The following PTPRU variants were observed in gnomAD, a reference collection of about 807,000 sequenced individuals.
PTPRU encodes protein tyrosine phosphatase receptor type U, also known as receptor-type tyrosine-protein phosphatase U.
PTPRU carries 69 observed loss-of-function variants against 166.3 expected under a neutral mutation model. The ratio of observed to expected loss-of-function variants is 0.41; its 90% CI spans 0.34 to 0.51. The LOEUF (loss-of-function observed/expected upper bound fraction) is 0.51. Ranked by LOEUF, PTPRU falls within the 20% of genes least tolerant of loss-of-function variation. The probability of loss-of-function intolerance (pLI) is 0.09; values close to 1 mark genes in which losing one functional copy is unlikely to be tolerated. For synonymous variants in PTPRU, 793 were observed against 814.0 expected, an observed-to-expected ratio of 0.97 and a Z score of 0.44; for missense variants, 1,657 against 2,013.7, an observed-to-expected ratio of 0.82 and a Z score of 3.39.
At chr1:29,268,679 A>G (rs1051760936) in intron 7 of PTPRU, among the ~76,000 whole-genome samples, 5 of 152,248 alleles carry the variant, frequency 3.3e-5, no homozygotes, top group Admixed American at 2.6e-4. Context: ...AGCGCTTAAC[A>G]CACAGTAAGC....
At chr1:29,286,082 A>C (rs935392049) in intron 14 of PTPRU, among the ~76,000 whole-genome samples, 2 of 152,096 alleles carry the variant, frequency 1.3e-5, no homozygotes, top group African/African-American at 4.8e-5. Context: ...CAGGAAGATG[A>C]GAGAGAGAGC....
At position 29,257,691 on chromosome 1, in the gene PTPRU, T is replaced by G. The variant is rs1684833179; in HGVS notation, c.206-814T>G. On this transcript the variant is annotated intron_variant, in intron 2 of 29. Coordinates refer to ENST00000373779, the MANE Select transcript of PTPRU (RefSeq NM_133178.4). The surrounding 1 kb of genome is among the most constrained non-coding windows in gnomAD (Gnocchi z 4.6). ...GAATCCTTTCATTCAATCTCTGTTC[T>G]ACATATTCATTCAGCTTGCGTCCTG... Among the ~76,000 whole-genome samples, 1 of 152,206 alleles carries G rather than the reference T, an allele frequency of 6.6e-6. No homozygotes were observed. Among genetic ancestry groups the G allele is most frequent in the East Asian group, 1.9e-4 (1 of 5,186 alleles).
chr1:29,255,128 G>A, intron 1 of PTPRU, 147 bp from the exon 2 acceptor site: 1 of 951,206 alleles, frequency 1.1e-6, no homozygotes, highest in African/African-American at 1.7e-5. Context: ...AATTTCACTA[G>A]AGGGAGGGAG....
In PTPRU at chr1:29,271,051, A is replaced by T. The variant is rs912200873; in HGVS notation, c.1145-4397A>T. 6.6e-6 allele frequency among the ~76,000 whole-genome samples: 1 copy of T among 152,266 alleles called. No individual in the cohort carries two copies. The highest frequency in any genetic ancestry group is 1.5e-5 in the Non-Finnish European group (1 of 68,042). Reference sequence around the variant, plus strand: ...CAGATCCCAGTCCAAAGCTCCTCCCATGAGAAAAAGTTGAACATTTCAGGG... The same window carrying T: ...CAGATCCCAGTCCAAAGCTCCTCCCTTGAGAAAAAGTTGAACATTTCAGGG... On this transcript the variant is annotated intron_variant, in intron 7 of 29. Transcript: ENST00000373779. This position sits in a 1 kb window ranked among gnomAD's most constrained non-coding sequence, Gnocchi z 4.4.
chr1:29,316,215 T>C, intron 24 of PTPRU, 64 bp downstream of exon 24: 2 of 1,538,580 alleles, frequency 1.3e-6, no homozygotes, highest in African/African-American at 1.4e-5. Flanking sequence ...TGGGGCATCC[T>C]TAATACTGCA....
intron 1 of PTPRU, among the ~76,000 whole-genome samples, chr1:29,247,275 C>G (rs142836425): frequency 6.6e-6 from 1 of 152,376 alleles, no homozygotes; most frequent in East Asian, 1.9e-4. Context: ...GTGCCTTGTG[C>G]AGCTCTGGGT....
intron 15 of PTPRU, 61 bp downstream of exon 15, chr1:29,292,087 AG>A (rs1052960931): frequency 4.0e-5 from 63 of 1,589,602 alleles, no homozygotes; most frequent in Non-Finnish European, 5.4e-5. Context: ...CTGAGACAAT[AG>A]GGTCCCCACA....
intron 15 of PTPRU, among the ~76,000 whole-genome samples, chr1:29,293,770 G>C (rs181565001): frequency 5.3e-4 from 81 of 152,248 alleles, no homozygotes; most frequent in African/African-American, 1.9e-3. Flanking sequence ...CACTGCGCCC[G>C]GACTTTTGGG....
At chr1:29,314,996 G>C (rs1687832904) in intron 22 of PTPRU, among the ~76,000 whole-genome samples, 1 of 152,216 alleles carries the variant, frequency 6.6e-6, no homozygotes, top group South Asian at 2.1e-4. Flanking sequence ...GAGTGTGTGG[G>C]CTTTTCAAGG....
At position 29,252,274 on chromosome 1, in the gene PTPRU, T is replaced by TC. The variant is rs202111946; in HGVS notation, c.74-3001_74-3000insC. 5.6e-3 allele frequency among the ~76,000 whole-genome samples: 838 copies of TC among 148,886 alleles called. 6 individuals carry two copies. Among genetic ancestry groups the TC allele is most frequent in the African/African-American group, 0.019 (792 of 40,656 alleles). On this transcript the variant is annotated intron_variant, in intron 1 of 29. Transcript: ENST00000373779. ...GGTGTGTTTTTCTTTTTTCTTTCTT[T>TC]TTTTTTTTTTTGAGACAGAGTCACA...
chr1:29,315,551 C>G lies in PTPRU; in HGVS notation c.3363+44C>G, dbSNP rs755423349. On this transcript the variant is annotated intron_variant, in intron 23 of 29. Transcript: ENST00000373779. The surrounding 1 kb of genome is among the most constrained non-coding windows in gnomAD (Gnocchi z 4.5). ...GTCCCCACCATTATTACTTCTAGGA[C>G]TGGAGTTTCTCGTGAAGGATCCTGG... The G allele has an allele frequency of 1.9e-6, 3 of 1,611,418 alleles. No individual in the cohort carries two copies. The highest frequency in any genetic ancestry group is 1.7e-5 in the Admixed American group (1 of 59,998).
intron 7 of PTPRU, 134 bp from the exon 8 acceptor site, chr1:29,275,314 A>T (rs1317682781): frequency 4.2e-6 from 4 of 942,610 alleles, no homozygotes; most frequent in Non-Finnish European, 6.2e-6. Flanking sequence ...TTGATGTTCT[A>T]GGGGTCCCCT....
chr1:29,299,668 G>A lies in PTPRU; in HGVS notation c.2477-4187G>A, dbSNP rs533216581. 3.3e-5 allele frequency among the ~76,000 whole-genome samples: 5 copies of A among 152,200 alleles called. No individual in the cohort carries two copies. The East Asian group carries it at 9.7e-4, about 29-fold the overall frequency. On this transcript the variant is annotated intron_variant, in intron 15 of 29. Transcript: ENST00000373779. ...GGCTGCCAGCCTTTCAGGATCTCTG[G>A]GATAAACTCTTTGATTCTCTGCCAC... is the stretch of plus-strand genomic sequence containing the variant.
chr1:29,245,430 C>T (rs1434559308), intron 1 of PTPRU, among the ~76,000 whole-genome samples: 1 of 152,128 alleles, frequency 6.6e-6, no homozygotes, highest in African/African-American at 2.4e-5. Flanking sequence ...CCCTCTCCTC[C>T]AGTGCATCAC....
rs77678614 is a variant in PTPRU, at chr1:29,279,934, G to A, written c.1766-105G>A. On this transcript the variant is annotated intron_variant, in intron 10 of 29. Coordinates refer to ENST00000373779, the MANE Select transcript of PTPRU (RefSeq NM_133178.4). The surrounding 1 kb of genome is among the most constrained non-coding windows in gnomAD (Gnocchi z 5.2). ...ATGTCAGCAGGAACAAAGAGGCTAA[G>A]GCTGAAGTAGGGGAGATCTGAGGAC... The A allele has an allele frequency of 0.03, 37,334 of 1,230,032 alleles. 700 individuals carry two copies. Among genetic ancestry groups the A allele is most frequent in the Non-Finnish European group, 0.037 (32,103 of 866,434 alleles). 76.2% of individuals were successfully genotyped at this position (1,230,032 alleles called of 1,614,324 possible).
At chr1:29,278,616 C>T (rs1685920602) in intron 8 of PTPRU, among the ~76,000 whole-genome samples, 1 of 152,212 alleles carries the variant, frequency 6.6e-6, no homozygotes, top group African/African-American at 2.4e-5. Flanking sequence ...AATCCCAATA[C>T]CGCAATGCAA....
intron 1 of PTPRU, among the ~76,000 whole-genome samples, chr1:29,239,182 G>C (rs568967526): frequency 6.6e-6 from 1 of 152,264 alleles, no homozygotes; most frequent in South Asian, 2.1e-4. Context: ...GATGAACTCA[G>C]AAGCCCAAGT....
At chr1:29,296,180 T>C (rs1265338854) in intron 15 of PTPRU, among the ~76,000 whole-genome samples, 2 of 152,220 alleles carry the variant, frequency 1.3e-5, no homozygotes, top group Non-Finnish European at 2.9e-5. Context: ...AATAGACTGG[T>C]TGTAGCTGGA....
rs1393655779 is a variant in PTPRU, at chr1:29,291,872, G to A, written c.2322G>A (p.Lys774=). 1 of 1,613,902 alleles carries A rather than the reference G, an allele frequency of 6.2e-7. No individual in the cohort carries two copies. The highest frequency in any genetic ancestry group is 8.5e-7 in the Non-Finnish European group (1 of 1,179,912). The change falls in exon 15 of 30, where the codon AAG becomes AAA. Residue 774 remains lysine (K), a synonymous_variant. Coordinates refer to ENST00000373779, the MANE Select transcript of PTPRU (RefSeq NM_133178.4). This position sits in a 1 kb window ranked among gnomAD's most constrained non-coding sequence, Gnocchi z 4.1. ...TCCCCTCAACCCCCCTCTCCAGGAAGCCGGTGAACATGACCAAGGCCACCG... is the reference window on the plus strand; with the variant it reads ...TCCCCTCAACCCCCCTCTCCAGGAAACCGGTGAACATGACCAAGGCCACCG... The part of the protein sequence containing the change: ...GAIIVIIRKG[K]PVNMTKATVN...
Sources: gnomAD v4.1 joint callset for allele counts (sites outside exome capture counted in the v4.1 genomes callset) on GRCh38, gnomAD v4.1.1 for gene constraint, Gnocchi (gnomAD v3.1) non-coding constraint, MANE v1.5 for transcripts, NCBI Gene and HGNC (gene_info 2026-07-23, HGNC 2026-07-21) for gene names.